DAB1: variants seen among roughly 807,000 people sequenced by gnomAD.
DAB1 encodes the protein disabled homolog 1.
In DAB1, 15 loss-of-function variants were observed where a neutral mutation model predicts 64.6. The observed-to-expected ratio is 0.23, with a 90% CI of 0.16 to 0.36. The LOEUF is 0.36. DAB1 is among the 10% of genes least tolerant of loss of function. The pLI is 1.00. For missense variants in DAB1, 596 were observed against 706.7 expected (o/e 0.84, Z 1.78); for synonymous variants, 235 against 251.9 (o/e 0.93, Z 0.64).
At chr1:57,767,122 T>A (rs567712834) in intron 6 of DAB1, among the ~76,000 whole-genome samples, 1 of 152,154 alleles carries the variant, frequency 6.6e-6, no homozygotes, top group Non-Finnish European at 1.5e-5. Context: ...TAGTTAGGCA[T>A]GATTGATTAA....
intron 7 of DAB1, among the ~76,000 whole-genome samples, chr1:57,640,596 G>C (rs12066246): frequency 6.6e-6 from 1 of 152,112 alleles, no homozygotes; most frequent in Non-Finnish European, 1.5e-5. Context: ...ACTCCCCTGA[G>C]AGCCTATTCC....
At chr1:58,258,650 C>T (rs1025226863) in intron 4 of DAB1, among the ~76,000 whole-genome samples, 1 of 152,208 alleles carries the variant, frequency 6.6e-6, no homozygotes, top group African/African-American at 2.4e-5. Context: ...CAGAGACTGT[C>T]CGCTGGAGAA....
chr1:57,440,307 G>C (rs1054666829), intron 7 of DAB1, among the ~76,000 whole-genome samples: 2 of 152,190 alleles, frequency 1.3e-5, no homozygotes, highest in Non-Finnish European at 2.9e-5. Flanking sequence ...ATAAACTGCA[G>C]AGAGAAAGAG....
At chr1:57,141,262 A>C (rs1658565169) in intron 3 of DAB1, among the ~76,000 whole-genome samples, 1 of 152,104 alleles carries the variant, frequency 6.6e-6, no homozygotes, top group African/African-American at 2.4e-5. Context: ...ACAGACTAGA[A>C]CTGCATTCTC....
chr1:58,113,048 T>C (rs1371206745), intron 5 of DAB1, among the ~76,000 whole-genome samples: 3 of 152,192 alleles, frequency 2.0e-5, no homozygotes, highest in African/African-American at 7.2e-5. Flanking sequence ...TTTCTGTCCT[T>C]ACAGACCCTG....
intron 7 of DAB1, among the ~76,000 whole-genome samples, chr1:57,487,934 C>T (rs1338811256): frequency 1.3e-5 from 2 of 152,136 alleles, no homozygotes; most frequent in African/African-American, 4.8e-5. Flanking sequence ...GTTTCCTTTC[C>T]TTTTCCATTA....
At chr1:57,649,992 T>TC (rs1178916115) in intron 6 of DAB1, among the ~76,000 whole-genome samples, 1 of 152,200 alleles carries the variant, frequency 6.6e-6, no homozygotes, top group Non-Finnish European at 1.5e-5. Flanking sequence ...TTAAAGAACT[T>TC]CCCCACATTT....
intron 2 of DAB1, among the ~76,000 whole-genome samples, chr1:57,157,911 GAGA>G (rs1660388916): frequency 6.6e-6 from 1 of 152,184 alleles, no homozygotes; most frequent in African/African-American, 2.4e-5. Flanking sequence ...AACACATTCA[GAGA>G]AGGAGGAAAC....
At position 57,663,179 on chromosome 1, in the gene DAB1, A is replaced by C. The variant is rs191606454; in HGVS notation, n.552-13514T>G. ...AGCAGCCATTCTTATATGGCCAGAG[A>C]AGAAGGAAGAGAGAGAAGGGGGAGG... On this transcript the variant is annotated intron_variant and non_coding_transcript_variant, in intron 6 of 20. Transcript: ENST00000485760. Among the ~76,000 whole-genome samples the C allele has an allele frequency of 5.3e-5, 8 of 152,272 alleles. No homozygotes were observed. In the East Asian group the frequency reaches 1.5e-3, roughly 29 times the overall value.
At chr1:58,328,271 A>G (rs994602335) in intron 4 of DAB1, among the ~76,000 whole-genome samples, 3 of 152,144 alleles carry the variant, frequency 2.0e-5, no homozygotes, top group Non-Finnish European at 4.4e-5. Flanking sequence ...TCCTATTTTT[A>G]TGAAAGCCTA....
chr1:57,827,629 C>T (rs1044159259), intron 1 of DAB1, among the ~76,000 whole-genome samples: 1 of 152,128 alleles, frequency 6.6e-6, no homozygotes, highest in Non-Finnish European at 1.5e-5. Context: ...TTTTCCTCCT[C>T]CTATAATGAT....
At chr1:57,123,246 G>A (rs1361469064) in intron 4 of DAB1, among the ~76,000 whole-genome samples, 2 of 152,056 alleles carry the variant, frequency 1.3e-5, no homozygotes, top group South Asian at 2.1e-4. Flanking sequence ...GATAGGCCAA[G>A]TCCTAAGAGA....
chr1:58,407,362 T>C (rs1644625972), intron 3 of DAB1, among the ~76,000 whole-genome samples: 1 of 152,232 alleles, frequency 6.6e-6, no homozygotes, highest in African/African-American at 2.4e-5. Context: ...GTGTTGTTTA[T>C]AGCCCTATCC....
At chr1:57,331,396 G>T (rs1676659713) in intron 1 of DAB1, among the ~76,000 whole-genome samples, 1 of 152,168 alleles carries the variant, frequency 6.6e-6, no homozygotes, top group Non-Finnish European at 1.5e-5. Flanking sequence ...ACTTGTCTAA[G>T]ATTCTCTAGC....
At chr1:58,008,926 T>A (rs545166878) in intron 5 of DAB1, among the ~76,000 whole-genome samples, 1 of 152,280 alleles carries the variant, frequency 6.6e-6, no homozygotes, top group East Asian at 1.9e-4. Flanking sequence ...CTCATTTTCA[T>A]TTTCTACAAG....
chr1:57,150,553 AT>A (rs1485502032), intron 2 of DAB1, among the ~76,000 whole-genome samples: 1 of 152,140 alleles, frequency 6.6e-6, no homozygotes, highest in African/African-American at 2.4e-5. Context: ...AAGGCGTCAT[AT>A]ACAATTTCTC....
chr1:57,462,344 C>T (rs955874083), intron 7 of DAB1, among the ~76,000 whole-genome samples: 14 of 152,058 alleles, frequency 9.2e-5, no homozygotes, highest in African/African-American at 3.1e-4. Flanking sequence ...AGTCATGTCA[C>T]CTCTCTAGGC....
At chr1:57,581,975 G>A (rs1645318628) in intron 7 of DAB1, among the ~76,000 whole-genome samples, 1 of 152,058 alleles carries the variant, frequency 6.6e-6, no homozygotes, top group Admixed American at 6.6e-5. Context: ...CAGCAGATTT[G>A]GTTCCTGGTG....
chr1:57,475,029 G>A (rs1408870782), intron 7 of DAB1, among the ~76,000 whole-genome samples: 3 of 152,168 alleles, frequency 2.0e-5, no homozygotes, highest in Non-Finnish European at 4.4e-5. Flanking sequence ...GGAAGCCAAG[G>A]TGAGTAGATC....
Sources: gnomAD v4.1 joint callset for allele counts (sites outside exome capture counted in the v4.1 genomes callset) on GRCh38, gnomAD v4.1.1 for gene constraint, MANE v1.5 for transcripts, NCBI Gene and HGNC (gene_info 2026-07-23, HGNC 2026-07-21) for gene names.